Variants in EFR3B observed in about 807,000 individuals in gnomAD.
EFR3B encodes protein EFR3 homolog B.
In EFR3B, 64 loss-of-function variants were observed where a neutral mutation model predicts 104.7. The ratio of observed to expected loss-of-function variants is 0.61; its 90% confidence interval spans 0.50 to 0.75. The LOEUF (loss-of-function observed/expected upper bound fraction) is 0.75, where lower values mean the gene tolerates loss of function less well. Among genes scored for constraint, EFR3B ranks in the 30% least tolerant of loss-of-function variants. The pLI is 0.00. For missense variants in EFR3B, 750 were observed against 1,078.5 expected (o/e 0.70, Z 4.27); for synonymous variants, 385 against 417.9 (o/e 0.92, Z 0.96).
At chr2:25,107,437 A>G (rs1669597305) in intron 4 of EFR3B, among the ~76,000 whole-genome samples, 1 of 152,180 alleles carries the variant, frequency 6.6e-6, no homozygotes, top group African/African-American at 2.4e-5. Context: ...ACTCAGACCA[A>G]TGAGCTTTGG....
intron 1 of EFR3B, among the ~76,000 whole-genome samples, chr2:25,083,619 C>T (rs1047210941): frequency 6.6e-6 from 1 of 152,124 alleles, no homozygotes; most frequent in African/African-American, 2.4e-5. Context: ...GCTGGGCGCT[C>T]CTGACCAAAG....
At chr2:25,047,603 G>A (rs1667758259) in intron 1 of EFR3B, among the ~76,000 whole-genome samples, 1 of 152,008 alleles carries the variant, frequency 6.6e-6, no homozygotes, top group Non-Finnish European at 1.5e-5. Context: ...GGTTCAAGCA[G>A]TTCTCATGTC....
intron 1 of EFR3B, among the ~76,000 whole-genome samples, chr2:25,088,232 G>T (rs1412153408): frequency 6.6e-6 from 1 of 152,120 alleles, no homozygotes; most frequent in Non-Finnish European, 1.5e-5. Flanking sequence ...AGCTCATGTT[G>T]TGTCACCTTT....
At chr2:25,058,795 A>G (rs1668098767) in intron 1 of EFR3B, among the ~76,000 whole-genome samples, 1 of 141,278 alleles carries the variant, frequency 7.1e-6, no homozygotes. Flanking sequence ...AACAATAACC[A>G]AGTGTTGGTG....
chr2:25,133,007 A>T lies in EFR3B; in HGVS notation c.1252A>T (p.Arg418Trp). The T allele has an allele frequency of 2.6e-6, 4 of 1,551,526 alleles. No individual in the cohort carries two copies. Among genetic ancestry groups the T allele is most frequent in the Non-Finnish European group, 2.6e-6 (3 of 1,146,856 alleles). The stretch of plus-strand genomic sequence containing the variant: ...CCTGCACCAGGCGGTGGACACAGGC[A>T]GGACGGGGTGAGCCACCAATCTCCC... ...PSLHQAVDTG[R>W]TGENRNRLTQ... The change falls in exon 11 of 23, where the codon AGG (arginine) becomes TGG (tryptophan). Residue 418 changes from arginine (R) to tryptophan (W), a missense_variant. Coordinates refer to ENST00000403714, the MANE Select transcript of EFR3B (RefSeq NM_014971.2).
chr2:25,127,679 C>T (rs1415007582), intron 5 of EFR3B, among the ~76,000 whole-genome samples: 1 of 152,178 alleles, frequency 6.6e-6, no homozygotes, highest in Non-Finnish European at 1.5e-5. Flanking sequence ...AAAAGGGGCT[C>T]CTGCTGTGCT....
chr2:25,080,782 T>G, intron 1 of EFR3B: 1 of 1,283,578 alleles, frequency 7.8e-7, no homozygotes, highest in Non-Finnish European at 1.1e-6. Flanking sequence ...AGAGTCAAAA[T>G]TGATCTTTGC....
chr2:25,111,509 T>G (rs895706438), intron 4 of EFR3B, among the ~76,000 whole-genome samples: 1 of 152,190 alleles, frequency 6.6e-6, no homozygotes, highest in Non-Finnish European at 1.5e-5. Flanking sequence ...GTTTCTGTGG[T>G]AGGCTGAATG....
At chr2:25,089,579 G>C (rs543907513) in intron 1 of EFR3B, among the ~76,000 whole-genome samples, 1 of 152,142 alleles carries the variant, frequency 6.6e-6, no homozygotes, top group Non-Finnish European at 1.5e-5. Context: ...TGGCAGCTGC[G>C]CCAGGCAGAA....
intron 1 of EFR3B, among the ~76,000 whole-genome samples, chr2:25,067,451 T>C (rs1668369480): frequency 1.3e-5 from 2 of 151,942 alleles, no homozygotes; most frequent in African/African-American, 4.8e-5. Context: ...TTTTTTGTTT[T>C]TGAGATAGAG....
rs2149209155 is a variant in EFR3B at position 25,139,073 on chromosome 2, C to T, written c.1737C>T (p.Val579=). ...LVLAVQDVAQ[V]NEENLPVYNR... is the part of the protein sequence containing the mutation. ...TGTTGCCGCAGGACGTGGCCCAAGTCAATGAGGAGAACTTGCCTGTCTACA... is the reference window on the plus strand; with the variant it reads ...TGTTGCCGCAGGACGTGGCCCAAGTTAATGAGGAGAACTTGCCTGTCTACA... Residue 579 remains valine (V), a synonymous_variant, in exon 16 of 23, where the codon GTC becomes GTT. Transcript: ENST00000403714. The T allele has an allele frequency of 6.4e-6, 10 of 1,551,710 alleles. No individual in the cohort carries two copies. Among genetic ancestry groups the T allele is most frequent in the Middle Eastern group, 1.7e-4 (1 of 5,992 alleles).
At chr2:25,092,730 G>C (rs937351308) in intron 2 of EFR3B, among the ~76,000 whole-genome samples, 1 of 151,750 alleles carries the variant, frequency 6.6e-6, no homozygotes, top group Non-Finnish European at 1.5e-5. Context: ...TGTATTTTTA[G>C]TAAAGACAGG....
chr2:25,044,018 G>T (rs1341418897), intron 1 of EFR3B, among the ~76,000 whole-genome samples: 1 of 152,242 alleles, frequency 6.6e-6, no homozygotes. Context: ...TATGAAGCAA[G>T]ACAAGGAAGA....
chr2:25,094,298 A>AG (rs1339905640), intron 3 of EFR3B, among the ~76,000 whole-genome samples: 5 of 150,380 alleles, frequency 3.3e-5, no homozygotes, highest in East Asian at 1.9e-4. Flanking sequence ...AAAAAAAAAA[A>AG]AAAGAAAAAA....
intron 3 of EFR3B, among the ~76,000 whole-genome samples, chr2:25,096,524 GA>G (rs561299669): frequency 9.9e-5 from 15 of 152,098 alleles, no homozygotes; most frequent in Non-Finnish European, 1.5e-4. Flanking sequence ...AGCTCTTTGA[GA>G]AAAAATCCAG....
intron 1 of EFR3B, chr2:25,080,069 T>C: frequency 1.1e-6 from 1 of 891,390 alleles, no homozygotes; most frequent in Middle Eastern, 2.3e-4. Flanking sequence ...GTGTACCTTG[T>C]AACCCCCACA....
intron 3 of EFR3B, among the ~76,000 whole-genome samples, chr2:25,094,799 TA>T (rs1312912688): frequency 3.3e-5 from 5 of 152,024 alleles, no homozygotes; most frequent in African/African-American, 2.4e-5. Context: ...TTATTATTAT[TA>T]TTTTTTTAAG....
Position 25,130,182 on chromosome 2 carries a change from G to C in EFR3B, c.770+73G>C, listed in dbSNP as rs1295948321. 14 of 1,541,618 alleles carry C rather than the reference G, an allele frequency of 9.1e-6. No homozygotes were observed. The highest frequency in any genetic ancestry group is 1.1e-5 in the Non-Finnish European group (13 of 1,140,072). On this transcript the variant is annotated intron_variant, in intron 7 of 22. Transcript: ENST00000403714. The surrounding 1 kb of genome is among the most constrained non-coding windows in gnomAD (Gnocchi z 4.6). ...TGTTTCAGGTCCCTGGCATCTCCTG[G>C]CTGGCTGGGGGGAAGGGGATATTAC...
chr2:25,097,411 CT>C (rs1329378117), intron 3 of EFR3B, among the ~76,000 whole-genome samples: 1 of 152,140 alleles, frequency 6.6e-6, no homozygotes, highest in Non-Finnish European at 1.5e-5. Context: ...GTAAAATATT[CT>C]CATGCAGACA....
Sources: allele counts gnomAD v4.1 joint callset (sites outside exome capture counted in the v4.1 genomes callset), GRCh38; gene constraint gnomAD v4.1.1; non-coding constraint Gnocchi (gnomAD v3.1); transcripts MANE v1.5; gene names NCBI Gene and HGNC (gene_info 2026-07-23, HGNC 2026-07-21).